RALGPS1: variants seen among roughly 807,000 people sequenced by gnomAD.
The protein encoded by RALGPS1 is Ral GEF with PH domain and SH3 binding motif 1, also known as ras-specific guanine nucleotide-releasing factor RalGPS1.
RALGPS1 carries 19 observed loss-of-function variants against 78.8 expected under a neutral mutation model. The observed-to-expected ratio is 0.24, with a 90% confidence interval of 0.17 to 0.35. The LOEUF is 0.35. Ranked by LOEUF, RALGPS1 falls within the 10% of genes least tolerant of loss-of-function variation. The pLI is 1.00. For missense variants in RALGPS1, 454 were observed against 688.3 expected (o/e 0.66, Z 3.81); for synonymous variants, 228 against 256.3 (o/e 0.89, Z 1.06).
chr9:127,176,548 G>A (rs1266743866), intron 11 of RALGPS1, among the ~76,000 whole-genome samples: 2 of 152,226 alleles, frequency 1.3e-5, no homozygotes, highest in African/African-American at 4.8e-5. Context: ...CAAAATGAAA[G>A]TGGTGGTCTG....
intron 1 of RALGPS1, among the ~76,000 whole-genome samples, chr9:126,960,422 C>A (rs918682021): frequency 6.6e-6 from 1 of 151,628 alleles, no homozygotes; most frequent in East Asian, 1.9e-4. Flanking sequence ...TTAGTAAAGA[C>A]GAGGTTTCAC....
chr9:127,029,823 A>T (rs1461002442), intron 4 of RALGPS1, among the ~76,000 whole-genome samples: 1 of 152,080 alleles, frequency 6.6e-6, no homozygotes, highest in East Asian at 1.9e-4. Flanking sequence ...GTCTCAGCTC[A>T]CCTCAAGGCG....
At chr9:126,984,704 G>A (rs1477361655) in intron 4 of RALGPS1, among the ~76,000 whole-genome samples, 4 of 151,986 alleles carry the variant, frequency 2.6e-5, no homozygotes, top group Admixed American at 6.6e-5. Flanking sequence ...CTTTTATGTT[G>A]GCTCCTGTAT....
chr9:127,183,673 A>T lies in RALGPS1; in HGVS notation c.910+8891A>T, dbSNP rs1170436983. Among the ~76,000 whole-genome samples, 2 of 152,206 alleles carry T rather than the reference A, an allele frequency of 1.3e-5. No homozygotes were observed. The highest frequency in any genetic ancestry group is 2.1e-4 in the South Asian group (1 of 4,818). On this transcript the variant is annotated intron_variant, in intron 11 of 18. Transcript: ENST00000259351. This position sits in a 1 kb window ranked among gnomAD's most constrained non-coding sequence, Gnocchi z 4.0. ...TGGAGACTCCGCCTGACTATGTGTG[A>T]GTAGAAAAAGAGAACAGCCAGGGGC...
At chr9:127,202,684 C>T (rs1019424580) in intron 14 of RALGPS1, among the ~76,000 whole-genome samples, 1 of 152,176 alleles carries the variant, frequency 6.6e-6, no homozygotes, top group African/African-American at 2.4e-5. Context: ...AAGACCCTCC[C>T]CTACCCTTGG....
chr9:126,988,404 G>A (rs1326961343), intron 4 of RALGPS1, among the ~76,000 whole-genome samples: 1 of 152,090 alleles, frequency 6.6e-6, no homozygotes, highest in Non-Finnish European at 1.5e-5. Context: ...TTCACTGAGA[G>A]ATTTAAAAAA....
chr9:127,142,144 G>A (rs547276745), intron 8 of RALGPS1, among the ~76,000 whole-genome samples: 4 of 152,182 alleles, frequency 2.6e-5, no homozygotes, highest in African/African-American at 4.8e-5. Flanking sequence ...CCTGCCCTGC[G>A]GTCTGAGCCC....
chr9:127,084,411 TG>T (rs1448887752), intron 8 of RALGPS1, among the ~76,000 whole-genome samples: 1 of 152,154 alleles, frequency 6.6e-6, no homozygotes, highest in Non-Finnish European at 1.5e-5. Context: ...CCCTGGCTCC[TG>T]TACTTCCTGC....
At position 127,222,672 on chromosome 9, in the gene RALGPS1, TC is replaced by T. The variant is rs1406801244; in HGVS notation, c.*3905del. 3.3e-5 allele frequency: 5 copies of T among 152,628 alleles called. No individual in the cohort carries two copies. The highest frequency in any genetic ancestry group is 1.2e-4 in the African/African-American group (5 of 41,472). 9.5% of individuals were successfully genotyped at this position (152,628 alleles called of 1,614,324 possible). A position where few individuals can be genotyped will look rare whatever the true frequency, so the allele number is the denominator to read the frequency against. On this transcript the variant is annotated 3_prime_UTR_variant, in exon 19 of 19. Coordinates refer to ENST00000259351, the MANE Select transcript of RALGPS1 (RefSeq NM_014636.3). ...CATTTTAGAACCATTAATCTCTTTA[TC>T]CATTGCTGAACGACTGTGACTATTC...
chr9:126,998,738 A>G (rs1170253232), intron 4 of RALGPS1, among the ~76,000 whole-genome samples: 1 of 152,132 alleles, frequency 6.6e-6, no homozygotes, highest in Non-Finnish European at 1.5e-5. Flanking sequence ...TAGCGGCACT[A>G]TTCACAATAG....
intron 1 of RALGPS1, among the ~76,000 whole-genome samples, chr9:126,925,437 A>G (rs62578911): frequency 0.38 from 58,050 of 151,678 alleles, 12,876 homozygotes; most frequent in Non-Finnish European, 0.48. Flanking sequence ...AATCCCAGCT[A>G]CTTGGGAGGC....
At chr9:126,982,733 GT>G (rs2041365939) in intron 4 of RALGPS1, among the ~76,000 whole-genome samples, 1 of 151,438 alleles carries the variant, frequency 6.6e-6, no homozygotes, top group Non-Finnish European at 1.5e-5. Flanking sequence ...TTGCCTCTCA[GT>G]TCCCCTTCCT....
chr9:126,989,557 G>C (rs1329107616), intron 4 of RALGPS1, among the ~76,000 whole-genome samples: 6 of 152,176 alleles, frequency 3.9e-5, no homozygotes, highest in Non-Finnish European at 8.8e-5. Context: ...GCACGGACCA[G>C]GTGCTCAGTG....
chr9:127,195,224 G>A lies in RALGPS1; in HGVS notation c.1037+7G>A. ...GCCACAGCCTAGGCAACAAGTGGGT[G>A]ACTGAGCAAGCCCTCCCGCCGGGCT... On this transcript the variant is annotated splice_region_variant and intron_variant, in intron 12 of 18. Transcript: ENST00000259351. 1 of 1,608,132 alleles carries A rather than the reference G, an allele frequency of 6.2e-7. No homozygotes were observed. Among genetic ancestry groups the A allele is most frequent in the African/African-American group, 1.3e-5 (1 of 75,044 alleles).
At chr9:127,045,756 C>T (rs112976132) in intron 5 of RALGPS1, among the ~76,000 whole-genome samples, 4,307 of 43,790 alleles carry the variant, frequency 0.098, 190 homozygotes, top group African/African-American at 0.22. Context: ...CACACACACA[C>T]ACACATACAC....
chr9:127,000,750 C>T (rs959766075), intron 4 of RALGPS1, among the ~76,000 whole-genome samples: 6 of 150,654 alleles, frequency 4.0e-5, no homozygotes, highest in Admixed American at 6.6e-5. Flanking sequence ...GACGGGGCTT[C>T]GCCGTGTTGG....
chr9:127,221,946 A>G lies in RALGPS1; in HGVS notation c.*3177A>G, dbSNP rs2062784214. 6.6e-6 allele frequency: 1 copy of G among 152,180 alleles called. No homozygotes were observed. The highest frequency in any genetic ancestry group is 6.5e-5 in the Admixed American group (1 of 15,280). 9.4% of individuals were successfully genotyped at this position (152,180 alleles called of 1,614,324 possible). A position where few individuals can be genotyped will look rare whatever the true frequency, so the allele number is the denominator to read the frequency against. On this transcript the variant is annotated 3_prime_UTR_variant, in exon 19 of 19. Transcript: ENST00000259351. The stretch of plus-strand genomic sequence containing the variant: ...CTGTAACCACTGGGGAGCACTGCCA[A>G]AAATACAGCTTTCTGGTTTGTGAGC...
At chr9:127,088,852 G>T in intron 8 of RALGPS1, 1 of 1,472,572 alleles carries the variant, frequency 6.8e-7, no homozygotes, top group Non-Finnish European at 9.5e-7. Flanking sequence ...AGGATGAACT[G>T]GTGAGGAGTT....
intron 14 of RALGPS1, among the ~76,000 whole-genome samples, chr9:127,207,635 C>A (rs971639868): frequency 6.6e-6 from 1 of 152,230 alleles, no homozygotes; most frequent in East Asian, 1.9e-4. Flanking sequence ...CAGACACTTT[C>A]GGTTGTCTGG....
Sources: gnomAD v4.1 joint callset for allele counts (sites outside exome capture counted in the v4.1 genomes callset) on GRCh38, gnomAD v4.1.1 for gene constraint, Gnocchi (gnomAD v3.1) non-coding constraint, MANE v1.5 for transcripts, NCBI Gene and HGNC (gene_info 2026-07-23, HGNC 2026-07-21) for gene names.